Variants in CATSPERD observed in about 807,000 individuals in gnomAD.
CATSPERD encodes cation channel sperm-associated auxiliary subunit delta.
Under a neutral mutation model 98.1 loss-of-function variants are expected in CATSPERD, and 86 were observed. The observed-to-expected ratio is 0.88, with a 90% CI of 0.74 to 1.05. The LOEUF (loss-of-function observed/expected upper bound fraction) is 1.05, where lower values mean the gene tolerates loss of function less well. CATSPERD is among the 50% of genes least tolerant of loss of function. CATSPERD has a pLI of 0.00. For synonymous variants in CATSPERD, 394 were observed against 390.2 expected (o/e 1.01, Z -0.12); for missense variants, 995 against 1,005.7 (o/e 0.99, Z 0.14).
At chr19:5,767,763 C>A (rs72983166) in intron 17 of CATSPERD, among the ~76,000 whole-genome samples, 2,937 of 123,820 alleles carry the variant, frequency 0.024, 43 homozygotes, top group South Asian at 0.037. Context: ...GGCCTGCCCT[C>A]CCTTTTTTAT....
chr19:5,773,295 C>T (rs913831045), intron 20 of CATSPERD, among the ~76,000 whole-genome samples: 5 of 152,126 alleles, frequency 3.3e-5, no homozygotes, highest in East Asian at 1.9e-4. Context: ...GCACAGATCA[C>T]GACTGCAAAA....
intron 16 of CATSPERD, among the ~76,000 whole-genome samples, chr19:5,765,189 G>A (rs1361054745): frequency 2.0e-5 from 3 of 152,270 alleles, no homozygotes; most frequent in East Asian, 1.9e-4. Context: ...GATTAAAGGC[G>A]TGAGCCACTG....
In CATSPERD at chr19:5,751,733, C is replaced by G; in HGVS notation, c.1074C>G (p.Asp358Glu). 6.2e-7 allele frequency: 1 copy of G among 1,613,926 alleles called. No individual in the cohort carries two copies. Among genetic ancestry groups the G allele is most frequent in the Non-Finnish European group, 8.5e-7 (1 of 1,179,976 alleles). ...TGGAAATACTGACCCCACTGCGTGA[C>G]ACAGCCTTTCCAGCTTTTGATTTCC... Reference protein sequence around the residue: ...GTLEILTPLRDTAFPAFDFQK... With the variant: ...GTLEILTPLRETAFPAFDFQK... The change falls in exon 12 of 22, where the codon GAC becomes GAG. Residue 358 changes from aspartate to glutamate, a missense_variant. By Grantham distance (45) the Asp-to-Glu change is conservative. Transcript: ENST00000381624.
chr19:5,771,096 A>C, intron 19 of CATSPERD, 24 bp downstream of exon 19: 1 of 1,607,738 alleles, frequency 6.2e-7, no homozygotes, highest in Non-Finnish European at 8.5e-7. Flanking sequence ...GGGGTGCTGC[A>C]GGGTGGGGAC....
At chr19:5,737,850 C>CAAA (rs560043195) in intron 6 of CATSPERD, among the ~76,000 whole-genome samples, 4 of 110,966 alleles carry the variant, frequency 3.6e-5, no homozygotes, top group African/African-American at 1.3e-4. Context: ...AACTCCATCT[C>CAAA]AAAAAAAAAA....
chr19:5,773,968 CTTT>C (rs71172771), intron 20 of CATSPERD, among the ~76,000 whole-genome samples: 4 of 120,400 alleles, frequency 3.3e-5, no homozygotes, highest in African/African-American at 3.2e-5. Flanking sequence ...TTTGCATTTG[CTTT>C]TTTTTTTTTT....
chr19:5,743,704 CTCTG>C (rs1201500682), intron 7 of CATSPERD, among the ~76,000 whole-genome samples: 14 of 142,252 alleles, frequency 9.8e-5, no homozygotes, highest in African/African-American at 3.7e-4. Flanking sequence ...CTCTCTCTCT[CTCTG>C]TCTCTGTCTC....
chr19:5,750,698 G>A (rs1302252015), intron 11 of CATSPERD, among the ~76,000 whole-genome samples: 1 of 151,818 alleles, frequency 6.6e-6, no homozygotes, highest in Non-Finnish European at 1.5e-5. Context: ...TCGTGCCACT[G>A]CACTCCAGCC....
chr19:5,729,959 G>T lies in CATSPERD; in HGVS notation c.276+15G>T, dbSNP rs759785609. ...CATCAATGCAGGTAGTTATTTTACT[G>T]AGTGATCTGAAGGATGCTAGTATAA... On this transcript the variant is annotated intron_variant, in intron 4 of 21. Transcript: ENST00000381624. 14 of 1,402,630 alleles carry T rather than the reference G, an allele frequency of 1.0e-5. No homozygotes were observed. The highest frequency in any genetic ancestry group is 1.4e-5 in the Non-Finnish European group (14 of 994,076). The allele number at this position is 1,402,630 out of a possible 1,614,324, so 86.9% of individuals were successfully genotyped here.
chr19:5,778,610 A>G lies in CATSPERD; in HGVS notation c.2331A>G (p.Thr777=), dbSNP rs747501854. The G allele has an allele frequency of 6.2e-7, 1 of 1,613,804 alleles. No homozygotes were observed. The highest frequency in any genetic ancestry group is 1.7e-5 in the Admixed American group (1 of 60,006). Residue 777 remains threonine (T), a synonymous_variant, in exon 22 of 22, where the codon ACA becomes ACG. Coordinates refer to ENST00000381624, the MANE Select transcript of CATSPERD (RefSeq NM_152784.4). The part of the protein sequence containing the change: ...KTVCQFRASA[T]ARAGTEPPGR... The stretch of plus-strand genomic sequence containing the variant: ...TCTGCCAGTTCAGGGCCTCAGCCAC[A>G]GCCAGGGCAGGCACAGAGCCCCCGG...
intron 20 of CATSPERD, 111 bp from the exon 21 acceptor site, chr19:5,776,050 T>G: frequency 8.6e-7 from 1 of 1,167,330 alleles, no homozygotes; most frequent in Non-Finnish European, 1.2e-6. Context: ...GTCCCACCCA[T>G]GCGTGCCTAA....
intron 9 of CATSPERD, among the ~76,000 whole-genome samples, chr19:5,747,610 C>CTTTT (rs10603074): frequency 3.4e-5 from 3 of 87,600 alleles, no homozygotes; most frequent in Non-Finnish European, 4.6e-5. Context: ...TTTTTCTTTT[C>CTTTT]TTTTTTTTTT....
In CATSPERD at chr19:5,720,689, A is replaced by T. The variant is rs199982758; in HGVS notation, c.-49A>T. On this transcript the variant is annotated 5_prime_UTR_variant, in exon 1 of 22. Transcript: ENST00000381624. ...CTGCACGTACTCGGATTGTGCAGCGACTCCCCGTGGCGGTTGAGGGGCAGT... is the reference window on the plus strand; with the variant it reads ...CTGCACGTACTCGGATTGTGCAGCGTCTCCCCGTGGCGGTTGAGGGGCAGT... 8.3e-6 allele frequency: 13 copies of T among 1,565,756 alleles called. No individual in the cohort carries two copies. Among genetic ancestry groups the T allele is most frequent in the African/African-American group, 2.7e-5 (2 of 73,936 alleles).
At chr19:5,777,870 A>G (rs2056762382) in intron 21 of CATSPERD, among the ~76,000 whole-genome samples, 1 of 149,918 alleles carries the variant, frequency 6.7e-6, no homozygotes, top group East Asian at 2.0e-4. Flanking sequence ...GCCAGATTCC[A>G]CCGTTTCAAA....
rs750662137 is a variant in CATSPERD, at chr19:5,724,845, A to C, written c.109A>C (p.Ile37Leu). 6.2e-6 allele frequency: 10 copies of C among 1,614,096 alleles called. No individual in the cohort carries two copies. Among genetic ancestry groups the C allele is most frequent in the Non-Finnish European group, 8.5e-6 (10 of 1,179,960 alleles). ...TVRTGKVFNL[I>L]QDVQGDRLYF... ...GAGGACAGGAAAAGTGTTTAATCTG[A>C]TACAGGACGTTCAAGGGGTATGTGG... The change falls in exon 2 of 22, where the codon ATA becomes CTA. Residue 37 changes from isoleucine to leucine, a missense_variant. Transcript: ENST00000381624.
rs941913431 is a variant in CATSPERD, at chr19:5,778,626, G to A, written c.2347G>A (p.Glu783Lys). 12 of 1,613,582 alleles carry A rather than the reference G, an allele frequency of 7.4e-6. No homozygotes were observed. The African/African-American group carries it at 1.3e-4, about 18-fold the overall frequency. The stretch of plus-strand genomic sequence containing the variant: ...CTCAGCCACAGCCAGGGCAGGCACA[G>A]AGCCCCCGGGACGCCACCGCACTCC... ...RASATARAGT[E>K]PPGRHRTPHG... Residue 783 changes from glutamate to lysine, a missense_variant, in exon 22 of 22, where the codon GAG (glutamate) becomes AAG (lysine). Glu to Lys is a moderately conservative substitution (Grantham distance 56). Transcript: ENST00000381624.
intron 19 of CATSPERD, 96 bp from the exon 20 acceptor site, chr19:5,772,692 C>A: frequency 2.3e-6 from 3 of 1,293,524 alleles, no homozygotes; most frequent in Non-Finnish European, 3.2e-6. Flanking sequence ...CCTCCCACCC[C>A]CCAAGCGGTT....
At position 5,778,642 on chromosome 19, in the gene CATSPERD, A is replaced by T; in HGVS notation, c.2363A>T (p.His788Leu). The T allele has an allele frequency of 6.2e-7, 1 of 1,613,542 alleles. No individual in the cohort carries two copies. The highest frequency in any genetic ancestry group is 8.5e-7 in the Non-Finnish European group (1 of 1,180,000). ...GCAGGCACAGAGCCCCCGGGACGCC[A>T]CCGCACTCCTCACGGAGGCAGGTCT... ...ARAGTEPPGR[H>L]RTPHGGRSDH is the part of the protein sequence containing the mutation. Residue 788 changes from histidine (H) to leucine (L), a missense_variant, in exon 22 of 22, where the codon CAC (histidine) becomes CTC (leucine). His to Leu is a moderately conservative substitution (Grantham distance 99, BLOSUM62 -3). Around this residue, in one of 3 missense-constraint regions of CATSPERD, gnomAD observed 762 missense variants for 773.7 expected, o/e 0.98. Transcript: ENST00000381624.
At chr19:5,728,030 A>G in intron 3 of CATSPERD, among the ~76,000 whole-genome samples, 1 of 94,416 alleles carries the variant, frequency 1.1e-5, no homozygotes, top group Non-Finnish European at 2.2e-5. Flanking sequence ...GCAAGATCCC[A>G]GTATCTACAA....
Sources: allele counts gnomAD v4.1 joint callset (sites outside exome capture counted in the v4.1 genomes callset), GRCh38; gene constraint gnomAD v4.1.1; regional missense constraint gnomAD v4.1.1; transcripts MANE v1.5; gene names NCBI Gene and HGNC (gene_info 2026-07-23, HGNC 2026-07-21).